The following MSH4 variants were observed in gnomAD, a reference collection of about 807,000 sequenced individuals.
MSH4 encodes the protein mutS protein homolog 4.
Under a neutral mutation model 113.7 loss-of-function variants are expected in MSH4, and 106 were observed. That is an observed-to-expected ratio of 0.93 (90% CI 0.80 to 1.10). The LOEUF (loss-of-function observed/expected upper bound fraction) is 1.10, where lower values mean the gene tolerates loss of function less well. MSH4 is among the 50% of genes least tolerant of loss of function. The pLI is 0.00. For missense variants in MSH4, 1,061 were observed against 1,093.7 expected, an observed-to-expected ratio of 0.97 and a Z score of 0.42; for synonymous variants, 368 against 380.2, an observed-to-expected ratio of 0.97 and a Z score of 0.37.
At chr1:75,854,940 A>C (rs1651282457) in intron 8 of MSH4, among the ~76,000 whole-genome samples, 1 of 152,206 alleles carries the variant, frequency 6.6e-6, no homozygotes, top group African/African-American at 2.4e-5. Context: ...AACAGTTTTT[A>C]CTTATGAATA....
chr1:75,869,692 G>C (rs1408900445), intron 9 of MSH4, among the ~76,000 whole-genome samples: 1 of 152,192 alleles, frequency 6.6e-6, no homozygotes, highest in Non-Finnish European at 1.5e-5. Flanking sequence ...TGTTGAGCCT[G>C]CAGGTGCACA....
chr1:75,830,075 A>G (rs753376552), intron 7 of MSH4, among the ~76,000 whole-genome samples: 6 of 152,090 alleles, frequency 3.9e-5, no homozygotes, highest in Non-Finnish European at 7.4e-5. Flanking sequence ...TAGAACAAAC[A>G]TTGTAGAGAA....
intron 3 of MSH4, among the ~76,000 whole-genome samples, chr1:75,809,167 C>A (rs1291381719): frequency 6.6e-6 from 1 of 152,112 alleles, no homozygotes; most frequent in Non-Finnish European, 1.5e-5. Flanking sequence ...AGTTGAATTG[C>A]CCCTCGGGTT....
intron 15 of MSH4, among the ~76,000 whole-genome samples, chr1:75,884,575 T>C (rs940718429): frequency 8.6e-5 from 13 of 151,962 alleles, no homozygotes; most frequent in African/African-American, 3.1e-4. Flanking sequence ...GGAATGCTGT[T>C]AAACATCCTA....
rs116088447 is a variant in MSH4, at chr1:75,905,824, G to T, written c.2619+6118G>T. 7.1e-3 allele frequency among the ~76,000 whole-genome samples: 1,073 copies of T among 151,990 alleles called. 12 individuals carry two copies. Among genetic ancestry groups the T allele is most frequent in the African/African-American group, 0.025 (1,018 of 41,472 alleles). On this transcript the variant is annotated intron_variant, in intron 19 of 19. Transcript: ENST00000263187. ...ATAACATTCTTTGTCTCTTTTTACA[G>T]TCTTTGACTTGAAGTCTATCTTATC...
At chr1:75,856,266 T>G (rs1054323368) in intron 8 of MSH4, among the ~76,000 whole-genome samples, 3 of 152,094 alleles carry the variant, frequency 2.0e-5, no homozygotes, top group Non-Finnish European at 2.9e-5. Context: ...TCAATGTTAC[T>G]TCCCATCCTT....
chr1:75,831,804 A>G (rs544028293), intron 7 of MSH4, among the ~76,000 whole-genome samples: 1 of 152,356 alleles, frequency 6.6e-6, no homozygotes, highest in South Asian at 2.1e-4. Context: ...AGGGAAGTTT[A>G]TAGCACTAAA....
chr1:75,832,118 C>T (rs1650707491), intron 7 of MSH4, among the ~76,000 whole-genome samples: 1 of 152,152 alleles, frequency 6.6e-6, no homozygotes, highest in Non-Finnish European at 1.5e-5. Context: ...CCACCAATTC[C>T]ACAGGAATGC....
Position 75,912,760 on chromosome 1 carries a change from T to C in MSH4, c.2684T>C (p.Leu895Pro), listed in dbSNP as rs751988653. 6 of 1,594,142 alleles carry C rather than the reference T, an allele frequency of 3.8e-6. No individual in the cohort carries two copies. Among genetic ancestry groups the C allele is most frequent in the Non-Finnish European group, 5.1e-6 (6 of 1,171,148 alleles). ...QRAVYHLATR[L>P]VQTARNSQLD... is the part of the protein sequence containing the mutation. ...GCTGTGTACCATCTAGCCACTAGGC[T>C]TGTTCAAACTGCTCGAAACTCTCAA... Residue 895 changes from leucine (L) to proline (P), a missense_variant, in exon 20 of 20, where the codon CTT becomes CCT. Leu to Pro is a moderately conservative substitution (Grantham distance 98). Transcript: ENST00000263187.
At position 75,796,940 on chromosome 1, in the gene MSH4, T is replaced by C; in HGVS notation, c.-46T>C. On this transcript the variant is annotated 5_prime_UTR_variant, in exon 1 of 20. Coordinates refer to ENST00000263187, the MANE Select transcript of MSH4 (RefSeq NM_002440.4). ...TTCTGTAGTTGGGCTACTGGAGGGG[T>C]CGCTCAGAAACCTCATACTTCTCGG... The C allele has an allele frequency of 6.2e-7, 1 of 1,605,714 alleles. No homozygotes were observed. The highest frequency in any genetic ancestry group is 8.5e-7 in the Non-Finnish European group (1 of 1,174,946).
intron 7 of MSH4, among the ~76,000 whole-genome samples, chr1:75,823,573 A>G (rs2100521890): frequency 6.6e-6 from 1 of 152,192 alleles, no homozygotes; most frequent in African/African-American, 2.4e-5. Context: ...CCCATCATCT[A>G]GGTTTTAAGC....
rs1210639736 is a variant in MSH4, at chr1:75,898,104, C to T, written c.2530+23C>T. The T allele has an allele frequency of 4.2e-6, 6 of 1,444,478 alleles. No individual in the cohort carries two copies. In the East Asian group the frequency reaches 1.2e-4, roughly 29 times the overall value. 89.5% of individuals were successfully genotyped at this position (1,444,478 alleles called of 1,614,324 possible). A position where few individuals can be genotyped will look rare whatever the true frequency, so the allele number is the denominator to read the frequency against. ...ATGGTACTGCATATAGAAATTATAC[C>T]TATACATTCAAATACTATATATTCT... is the stretch of plus-strand genomic sequence containing the variant. On this transcript the variant is annotated intron_variant, in intron 18 of 19. Coordinates refer to ENST00000263187, the MANE Select transcript of MSH4 (RefSeq NM_002440.4).
intron 4 of MSH4, among the ~76,000 whole-genome samples, chr1:75,812,831 G>T (rs1650217057): frequency 6.6e-6 from 1 of 152,130 alleles, no homozygotes; most frequent in South Asian, 2.1e-4. Flanking sequence ...TTTTTTGGCA[G>T]CCTGAGTTTT....
At chr1:75,887,418 A>G in intron 15 of MSH4, among the ~76,000 whole-genome samples, 1 of 152,098 alleles carries the variant, frequency 6.6e-6, no homozygotes, top group East Asian at 1.9e-4. Context: ...ACTCAGTCTC[A>G]GGGATTTTAT....
Position 75,816,517 on chromosome 1 carries a change from T to C in MSH4, c.960T>C (p.Leu320=). 6.3e-7 allele frequency: 1 copy of C among 1,586,696 alleles called. No individual in the cohort carries two copies. The highest frequency in any genetic ancestry group is 8.6e-7 in the Non-Finnish European group (1 of 1,164,266). The change falls in exon 6 of 20, where the codon CTT becomes CTC. Residue 320 remains leucine, a synonymous_variant. Coordinates refer to ENST00000263187, the MANE Select transcript of MSH4 (RefSeq NM_002440.4). ...AMIDSSSAQN[L]ELLINNQDYR... ...TAGATTCATCATCAGCCCAAAACCT[T>C]GAATTGTTAATTAATAATCAAGACT... is the stretch of plus-strand genomic sequence containing the variant.
intron 2 of MSH4, among the ~76,000 whole-genome samples, chr1:75,806,436 A>G (rs1650064203): frequency 6.6e-6 from 1 of 151,816 alleles, no homozygotes; most frequent in Non-Finnish European, 1.5e-5. Flanking sequence ...TTTAGTAGAC[A>G]TGGGGTTTCA....
chr1:75,811,017 G>A (rs1342819517), intron 4 of MSH4, among the ~76,000 whole-genome samples: 1 of 151,950 alleles, frequency 6.6e-6, no homozygotes, highest in African/African-American at 2.4e-5. Context: ...GACTACAGGC[G>A]TGTGTTACCA....
In MSH4 at chr1:75,899,200, C is replaced by A. The variant is rs5745541; in HGVS notation, c.2531-418C>A. Among the ~76,000 whole-genome samples, 963 of 152,238 alleles carry A rather than the reference C, an allele frequency of 6.3e-3. 15 individuals carry two copies. The highest frequency in any genetic ancestry group is 0.035 in the Admixed American group (537 of 15,282). On this transcript the variant is annotated intron_variant, in intron 18 of 19. Transcript: ENST00000263187. ...TACATCTTCTGAGAAATTCCTGTCTCATTGATTTAGGTGGGTGAATGTTTA... is the reference window on the plus strand; with the variant it reads ...TACATCTTCTGAGAAATTCCTGTCTAATTGATTTAGGTGGGTGAATGTTTA...
At chr1:75,824,762 G>C (rs571096718) in intron 7 of MSH4, among the ~76,000 whole-genome samples, 1 of 152,182 alleles carries the variant, frequency 6.6e-6, no homozygotes, top group East Asian at 1.9e-4. Flanking sequence ...TGTTAGGTTT[G>C]TCAAACATAT....
Sources: gnomAD v4.1 joint callset for allele counts (sites outside exome capture counted in the v4.1 genomes callset) on GRCh38, gnomAD v4.1.1 for gene constraint, MANE v1.5 for transcripts, NCBI Gene and HGNC (gene_info 2026-07-23, HGNC 2026-07-21) for gene names.